Variants in PDGFRL observed in about 807,000 individuals in gnomAD.
The protein encoded by PDGFRL is platelet-derived growth factor receptor-like protein.
PDGFRL carries 46 observed loss-of-function variants against 37.2 expected under a neutral mutation model. The observed-to-expected ratio is 1.24, with a 90% CI of 0.98 to 1.58. The LOEUF (loss-of-function observed/expected upper bound fraction) is 1.58. PDGFRL is among the 40% of genes most tolerant of loss of function. The probability of loss-of-function intolerance (pLI) is 0.00; values close to 1 mark genes in which losing one functional copy is unlikely to be tolerated. For missense variants in PDGFRL, 692 were observed against 467.6 expected (o/e 1.48, Z -4.43); for synonymous variants, 251 against 184.3 (o/e 1.36, Z -2.93).
chr8:17,619,967 C>G lies in PDGFRL; in HGVS notation c.354-1084C>G, dbSNP rs923692020. The stretch of plus-strand genomic sequence containing the variant: ...CACACACCCATTTATCAGAAACGTA[C>G]TCTTTATTTTTTAGAGACAGGGTCT... On this transcript the variant is annotated intron_variant, in intron 2 of 5. Transcript: ENST00000251630. Among the ~76,000 whole-genome samples, 6 of 152,228 alleles carry G rather than the reference C, an allele frequency of 3.9e-5. No homozygotes were observed. The East Asian group carries it at 5.8e-4, about 15-fold the overall frequency.
intron 4 of PDGFRL, 149 bp downstream of exon 4, chr8:17,628,929 T>C (rs1804797811): frequency 3.2e-6 from 2 of 627,314 alleles, no homozygotes; most frequent in African/African-American, 1.8e-5. Context: ...TTTTCTCTTT[T>C]TTCTTGAGAC....
At chr8:17,634,258 C>G (rs531379475) in intron 5 of PDGFRL, 45 bp downstream of exon 5, 4 of 1,496,612 alleles carry the variant, frequency 2.7e-6, no homozygotes, top group African/African-American at 2.8e-5. Flanking sequence ...TCAGCCTCTG[C>G]ATCTCAGCCA....
intron 5 of PDGFRL, among the ~76,000 whole-genome samples, chr8:17,638,202 G>A (rs189321673): frequency 1.3e-4 from 20 of 152,156 alleles, no homozygotes; most frequent in Admixed American, 7.9e-4. Flanking sequence ...TTTCCTCTTA[G>A]CACTGCCTTT....
intron 5 of PDGFRL, among the ~76,000 whole-genome samples, chr8:17,634,678 T>A (rs932243349): frequency 6.6e-6 from 1 of 152,100 alleles, no homozygotes; most frequent in African/African-American, 2.4e-5. Flanking sequence ...GGAACACAAA[T>A]GGAGCTGGAG....
intron 3 of PDGFRL, among the ~76,000 whole-genome samples, chr8:17,627,840 T>G (rs1336688036): frequency 6.6e-6 from 1 of 152,034 alleles, no homozygotes; most frequent in Non-Finnish European, 1.5e-5. Context: ...TATTATAGTA[T>G]AAGAAGTAAG....
intron 1 of PDGFRL, among the ~76,000 whole-genome samples, chr8:17,580,655 C>A (rs899120762): frequency 2.0e-4 from 31 of 152,254 alleles, no homozygotes; most frequent in Non-Finnish European, 2.5e-4. Context: ...CATCGAGAAT[C>A]ATGAATCAGG....
chr8:17,635,074 A>G (rs749522770), intron 5 of PDGFRL, among the ~76,000 whole-genome samples: 14 of 152,164 alleles, frequency 9.2e-5, no homozygotes, highest in Non-Finnish European at 1.9e-4. Flanking sequence ...CTTCTGGGCC[A>G]ACTAGAGTCT....
At chr8:17,628,385 T>C (rs1226875272) in intron 3 of PDGFRL, 102 bp from the exon 4 acceptor site, 2 of 794,536 alleles carry the variant, frequency 2.5e-6, no homozygotes, top group African/African-American at 1.7e-5. Context: ...CCTTTCCTAC[T>C]CCTAAGGACT....
intron 1 of PDGFRL, among the ~76,000 whole-genome samples, chr8:17,586,197 AC>A (rs1307448124): frequency 6.6e-6 from 1 of 152,136 alleles, no homozygotes. Context: ...CAAGTGATCC[AC>A]CTTCCTTGGC....
intron 1 of PDGFRL, among the ~76,000 whole-genome samples, chr8:17,582,379 C>T (rs181015237): frequency 1.1e-3 from 161 of 151,958 alleles, no homozygotes; most frequent in Non-Finnish European, 1.9e-3. Context: ...GTCAGGAGAT[C>T]GAGACCAGCC....
chr8:17,606,901 T>G (rs1419885124), intron 2 of PDGFRL, among the ~76,000 whole-genome samples: 11 of 141,000 alleles, frequency 7.8e-5, no homozygotes, highest in African/African-American at 1.6e-4. Flanking sequence ...TTTGTTTTTT[T>G]TTTTTTTTTT....
intron 3 of PDGFRL, among the ~76,000 whole-genome samples, chr8:17,625,460 T>TC (rs1804715652): frequency 6.6e-6 from 1 of 151,590 alleles, no homozygotes; most frequent in African/African-American, 2.4e-5. Flanking sequence ...GAGTTTTTTT[T>TC]TTTAATCTAA....
rs571552975 is a variant in PDGFRL at position 17,577,615 on chromosome 8, C to A, written c.55+308C>A. ...TCCCCAGCCAGCGCCTGGTCCAGCC[C>A]CCAGTGTCAACGTGTCGGTCTGGGA... On this transcript the variant is annotated intron_variant, in intron 1 of 5. Coordinates refer to ENST00000251630, the MANE Select transcript of PDGFRL (RefSeq NM_001372073.1). Among the ~76,000 whole-genome samples, 433 of 152,034 alleles carry A rather than the reference C, an allele frequency of 2.8e-3. 4 individuals are homozygous for A. The highest frequency in any genetic ancestry group is 0.01 in the African/African-American group (421 of 41,468).
At chr8:17,584,461 T>C (rs1433903116) in intron 1 of PDGFRL, among the ~76,000 whole-genome samples, 1 of 151,876 alleles carries the variant, frequency 6.6e-6, no homozygotes, top group East Asian at 1.9e-4. Flanking sequence ...CACGGGATTG[T>C]GTGAGGTCAC....
intron 2 of PDGFRL, among the ~76,000 whole-genome samples, chr8:17,611,641 G>A (rs1430115774): frequency 6.6e-6 from 1 of 152,170 alleles, no homozygotes; most frequent in Non-Finnish European, 1.5e-5. Context: ...AAGACACCGG[G>A]TTACTCAGCT....
At chr8:17,594,658 G>A (rs1336758504) in intron 2 of PDGFRL, among the ~76,000 whole-genome samples, 3 of 152,116 alleles carry the variant, frequency 2.0e-5, no homozygotes, top group Non-Finnish European at 2.9e-5. Context: ...GGGTTCAAGC[G>A]ATTCTCCTGC....
Position 17,577,249 on chromosome 8 carries a change from C to G in PDGFRL, c.-4C>G. 1 of 1,612,420 alleles carries G rather than the reference C, an allele frequency of 6.2e-7. No individual in the cohort carries two copies. Among genetic ancestry groups the G allele is most frequent in the Non-Finnish European group, 8.5e-7 (1 of 1,179,392 alleles). ...CCTGCGCTCCGAGGTCCGAGGTTCCCGAGATGAAGGTCTGGCTGCTGCTTG... is the reference window on the plus strand; with the variant it reads ...CCTGCGCTCCGAGGTCCGAGGTTCCGGAGATGAAGGTCTGGCTGCTGCTTG... On this transcript the variant is annotated 5_prime_UTR_variant, in exon 1 of 6. Transcript: ENST00000251630.
chr8:17,622,335 C>A (rs540109113), intron 3 of PDGFRL, among the ~76,000 whole-genome samples: 2 of 152,242 alleles, frequency 1.3e-5, no homozygotes, highest in African/African-American at 4.8e-5. Flanking sequence ...AACCAGAATC[C>A]TTTGTTAGTG....
intron 2 of PDGFRL, among the ~76,000 whole-genome samples, chr8:17,606,153 A>G (rs1415305614): frequency 6.6e-6 from 1 of 151,370 alleles, no homozygotes; most frequent in African/African-American, 2.4e-5. Flanking sequence ...TGTTGTGGAG[A>G]GTACTCTGGT....
Sources: gnomAD v4.1 joint callset for allele counts (sites outside exome capture counted in the v4.1 genomes callset) on GRCh38, gnomAD v4.1.1 for gene constraint, MANE v1.5 for transcripts, NCBI Gene and HGNC (gene_info 2026-07-23, HGNC 2026-07-21) for gene names.